The following PHF20 variants were observed in gnomAD, a reference collection of about 807,000 sequenced individuals.
PHF20 encodes PHD finger protein 20, also known as glioma-expressed antigen 2.
PHF20 carries 23 observed loss-of-function variants against 113.5 expected under a neutral mutation model. The observed-to-expected ratio is 0.20, with a 90% CI of 0.15 to 0.29. PHF20 has a LOEUF of 0.29. Among genes scored for constraint, PHF20 ranks in the 10% least tolerant of loss-of-function variants. The probability of loss-of-function intolerance (pLI) is 1.00; values close to 1 mark genes in which losing one functional copy is unlikely to be tolerated. For synonymous variants in PHF20, 434 were observed against 457.3 expected (o/e 0.95, Z 0.65); for missense variants, 943 against 1,219.6 (o/e 0.77, Z 3.38).
chr20:35,886,459 A>G (rs935189619), intron 9 of PHF20, among the ~76,000 whole-genome samples: 1 of 152,200 alleles, frequency 6.6e-6, no homozygotes, highest in Non-Finnish European at 1.5e-5. Context: ...TGATGCTTCA[A>G]GCTGAAAAAA....
At chr20:35,865,550 T>G (rs2054305573) in intron 6 of PHF20, among the ~76,000 whole-genome samples, 1 of 139,368 alleles carries the variant, frequency 7.2e-6, no homozygotes, top group African/African-American at 2.8e-5. Flanking sequence ...TTACCTAGGC[T>G]GGAGTGCAGT....
At chr20:35,936,423 C>T (rs987452540) in intron 15 of PHF20, among the ~76,000 whole-genome samples, 10 of 152,108 alleles carry the variant, frequency 6.6e-5, no homozygotes, top group Non-Finnish European at 8.8e-5. Flanking sequence ...TCTGTAACAT[C>T]GCTCTATGCC....
intron 3 of PHF20, 102 bp downstream of exon 3, chr20:35,842,846 T>C: frequency 1.1e-6 from 1 of 930,470 alleles, no homozygotes; most frequent in Non-Finnish European, 1.6e-6. Context: ...CCAGTTCTTA[T>C]TTAGGCCTAT....
chr20:35,822,846 TAAAAAAAAAAAA>T (rs780275666), intron 2 of PHF20, among the ~76,000 whole-genome samples: 7 of 55,536 alleles, frequency 1.3e-4, no homozygotes, highest in Admixed American at 2.2e-4. Context: ...ACCCTGCTTC[TAAAAAAAAAAAA>T]AAAAAAAAAA....
At chr20:35,861,707 A>G (rs2054221498) in intron 5 of PHF20, among the ~76,000 whole-genome samples, 1 of 152,162 alleles carries the variant, frequency 6.6e-6, no homozygotes, top group Admixed American at 6.5e-5. Flanking sequence ...AACTCCCAAC[A>G]AGAAGGGCAA....
intron 15 of PHF20, among the ~76,000 whole-genome samples, chr20:35,935,586 C>G (rs537556366): frequency 3.9e-5 from 6 of 152,136 alleles, no homozygotes; most frequent in Admixed American, 1.3e-4. Flanking sequence ...AGGGTGGTCT[C>G]GAACTCCTGG....
chr20:35,776,782 A>T (rs905939596), intron 1 of PHF20, among the ~76,000 whole-genome samples: 6 of 152,042 alleles, frequency 3.9e-5, no homozygotes, highest in African/African-American at 1.4e-4. Context: ...TAGCTCTTCC[A>T]TTTACTGTGA....
intron 10 of PHF20, among the ~76,000 whole-genome samples, chr20:35,903,867 T>G (rs780194633): frequency 3.3e-5 from 5 of 152,196 alleles, no homozygotes; most frequent in Non-Finnish European, 5.9e-5. Flanking sequence ...TGTGGCTGCC[T>G]TATTCTGCTG....
chr20:35,823,107 A>G (rs999026100), intron 2 of PHF20, among the ~76,000 whole-genome samples: 5 of 152,146 alleles, frequency 3.3e-5, no homozygotes, highest in African/African-American at 4.8e-5. Flanking sequence ...CCATATGTGT[A>G]CATTATACAT....
At chr20:35,862,367 C>T (rs983461833) in intron 5 of PHF20, among the ~76,000 whole-genome samples, 1 of 152,176 alleles carries the variant, frequency 6.6e-6, no homozygotes, top group Non-Finnish European at 1.5e-5. Flanking sequence ...TCAGTATAGT[C>T]ATGCTGGGGA....
intron 2 of PHF20, among the ~76,000 whole-genome samples, chr20:35,814,047 T>TA (rs2042024324): frequency 6.8e-6 from 1 of 147,358 alleles, no homozygotes; most frequent in African/African-American, 2.5e-5. Context: ...CTAAATAAAA[T>TA]AAATAAATAA....
chr20:35,802,393 G>C (rs1283363069), intron 2 of PHF20, among the ~76,000 whole-genome samples: 1 of 151,592 alleles, frequency 6.6e-6, no homozygotes, highest in Non-Finnish European at 1.5e-5. Context: ...CACCCAGGCA[G>C]ATCTTGGCTC....
intron 1 of PHF20, among the ~76,000 whole-genome samples, chr20:35,778,903 C>G (rs2041227946): frequency 1.3e-5 from 2 of 151,960 alleles, no homozygotes; most frequent in Non-Finnish European, 2.9e-5. Flanking sequence ...ATTTTAGAAG[C>G]CTAATATGAG....
chr20:35,902,897 C>T (rs2055124038), intron 10 of PHF20, among the ~76,000 whole-genome samples: 1 of 152,060 alleles, frequency 6.6e-6, no homozygotes, highest in Admixed American at 6.6e-5. Flanking sequence ...AGCATTTACC[C>T]AGGCAGTCAG....
intron 6 of PHF20, among the ~76,000 whole-genome samples, chr20:35,863,796 G>T (rs1308792267): frequency 1.3e-5 from 2 of 152,244 alleles, no homozygotes; most frequent in East Asian, 3.9e-4. Flanking sequence ...ATAGTAAAAA[G>T]GTATGGGCTT....
intron 13 of PHF20, among the ~76,000 whole-genome samples, chr20:35,922,763 G>T (rs2055543403): frequency 6.6e-6 from 1 of 152,176 alleles, no homozygotes; most frequent in Non-Finnish European, 1.5e-5. Flanking sequence ...GGGCCATATG[G>T]CCTTGTTGCA....
intron 6 of PHF20, among the ~76,000 whole-genome samples, chr20:35,868,387 G>A (rs969575276): frequency 6.6e-6 from 1 of 151,854 alleles, no homozygotes; most frequent in African/African-American, 2.4e-5. Context: ...ATCACTTGAT[G>A]TCAGGAGTTC....
At chr20:35,898,351 CAGAT>C (rs1384295537) in intron 9 of PHF20, among the ~76,000 whole-genome samples, 1 of 152,202 alleles carries the variant, frequency 6.6e-6, no homozygotes, top group African/African-American at 2.4e-5. Flanking sequence ...TCCGTCCACA[CAGAT>C]AGGTACCAGG....
chr20:35,938,583 G>C, intron 15 of PHF20, 114 bp from the exon 16 acceptor site: 1 of 1,010,970 alleles, frequency 9.9e-7, no homozygotes, highest in Non-Finnish European at 1.5e-6. Context: ...GTAGTGTGTG[G>C]TCAGATGGCC....
Sources: gnomAD v4.1 joint callset for allele counts (sites outside exome capture counted in the v4.1 genomes callset) on GRCh38, gnomAD v4.1.1 for gene constraint, MANE v1.5 for transcripts, NCBI Gene and HGNC (gene_info 2026-07-23, HGNC 2026-07-21) for gene names.